The following PSEN1 variants were observed in gnomAD, a reference collection of about 807,000 sequenced individuals.
PSEN1 encodes the protein presenilin 1.
PSEN1 carries 15 observed loss-of-function variants against 53.5 expected under a neutral mutation model. That is an observed-to-expected ratio of 0.28 (90% CI 0.19 to 0.43). PSEN1 has a LOEUF of 0.43. Ranked by LOEUF, PSEN1 falls within the 20% of genes least tolerant of loss-of-function variation. The pLI is 1.00. For synonymous variants in PSEN1, 208 were observed against 209.8 expected (o/e 0.99, Z 0.08); for missense variants, 387 against 571.2 (o/e 0.68, Z 3.29).
intron 1 of PSEN1, among the ~76,000 whole-genome samples, chr14:73,144,165 C>T (rs1566615510): frequency 1.3e-5 from 2 of 151,082 alleles, no homozygotes; most frequent in Admixed American, 6.6e-5. Flanking sequence ...CTCAGCCTCC[C>T]GAGTAGCTGG....
At chr14:73,185,094 C>T (rs1341613612) in intron 5 of PSEN1, among the ~76,000 whole-genome samples, 5 of 151,738 alleles carry the variant, frequency 3.3e-5, no homozygotes, top group Admixed American at 6.6e-5. Context: ...GGATGGCGGC[C>T]GGGCGGAGAC....
At position 73,184,597 on chromosome 14, in the gene PSEN1, C is replaced by A. The variant is rs1352415288; in HGVS notation, c.481-2256C>A. 2.5e-4 allele frequency among the ~76,000 whole-genome samples: 32 copies of A among 129,468 alleles called. 1 individual carries two copies. In the East Asian group the frequency reaches 8.1e-3, roughly 33 times the overall value. 84.9% of individuals were successfully genotyped at this position (129,468 alleles called of 152,430 possible). On this transcript the variant is annotated intron_variant, in intron 5 of 11. Coordinates refer to ENST00000324501, the MANE Select transcript of PSEN1 (RefSeq NM_000021.4). The stretch of plus-strand genomic sequence containing the variant: ...TCACTTCCCAGTAGGGGCGGCCGGG[C>A]AGAGGCGCCCCTCACCTCCCGGACG...
Position 73,221,442 on chromosome 14 carries a change from G to A in PSEN1, c.*2153G>A, listed in dbSNP as rs986274360. 1.3e-5 allele frequency: 2 copies of A among 152,190 alleles called. No homozygotes were observed. The highest frequency in any genetic ancestry group is 4.8e-5 in the African/African-American group (2 of 41,456). The allele number at this position is 152,190 out of a possible 1,614,324, so 9.4% of individuals were successfully genotyped here. On this transcript the variant is annotated 3_prime_UTR_variant, in exon 12 of 12. Coordinates refer to ENST00000324501, the MANE Select transcript of PSEN1 (RefSeq NM_000021.4). ...TTTCATGATACATTTCTTCTCTGAA[G>A]AGGGTACGTGGGGTGTGTGTATTTA...
intron 5 of PSEN1, among the ~76,000 whole-genome samples, chr14:73,183,154 G>T (rs1898276549): frequency 6.6e-6 from 1 of 152,152 alleles, no homozygotes; most frequent in African/African-American, 2.4e-5. Context: ...GTCTCGCTCT[G>T]TTGCTCAGGC....
chr14:73,219,286 C>G lies in PSEN1; in HGVS notation c.1401C>G (p.Ile467Met). ...AATTAGCATTCCATCAATTTTATAT[C>G]TAGCATATTTGCGGTTAGAATCCCA... ...MDQLAFHQFY[I>M] The change falls in exon 12 of 12, where the codon ATC (isoleucine) becomes ATG (methionine). Residue 467 changes from isoleucine to methionine, a missense_variant. Physicochemically the swap from Ile to Met is conservative, Grantham distance 10. Coordinates refer to ENST00000324501, the MANE Select transcript of PSEN1 (RefSeq NM_000021.4). 6.2e-7 allele frequency: 1 copy of G among 1,612,838 alleles called. No homozygotes were observed. Among genetic ancestry groups the G allele is most frequent in the Non-Finnish European group, 8.5e-7 (1 of 1,179,002 alleles).
intron 7 of PSEN1, among the ~76,000 whole-genome samples, chr14:73,197,096 C>A (rs1898983698): frequency 6.6e-6 from 1 of 152,054 alleles, no homozygotes; most frequent in South Asian, 2.1e-4. Context: ...CCACACCCAG[C>A]TAATTTTTTG....
At chr14:73,189,472 C>T (rs1409411987) in intron 6 of PSEN1, among the ~76,000 whole-genome samples, 4 of 152,008 alleles carry the variant, frequency 2.6e-5, no homozygotes, top group Middle Eastern at 3.4e-3. Context: ...ATTAGCCGGG[C>T]GTGGTGGTGG....
chr14:73,187,100 T>G (rs565745883), intron 6 of PSEN1, among the ~76,000 whole-genome samples, 180 bp downstream of exon 6: 1 of 152,382 alleles, frequency 6.6e-6, no homozygotes, highest in East Asian at 1.9e-4. Context: ...ATTCTTCTGT[T>G]GCTCCTTGCT....
At position 73,167,356 on chromosome 14, in the gene PSEN1, T is replaced by G. The variant is rs536276222; in HGVS notation, c.88-3441T>G. Among the ~76,000 whole-genome samples the G allele has an allele frequency of 2.0e-5, 3 of 152,358 alleles. No individual in the cohort carries two copies. In the South Asian group the frequency reaches 6.2e-4, roughly 32 times the overall value. On this transcript the variant is annotated intron_variant, in intron 3 of 11. Coordinates refer to ENST00000324501, the MANE Select transcript of PSEN1 (RefSeq NM_000021.4). ...TGTGATGCTCAAAGGAAATGCTTAT[T>G]GGAGTGTTTTAGATTTTGGATTTTT...
At chr14:73,144,273 C>T (rs1897008035) in intron 1 of PSEN1, among the ~76,000 whole-genome samples, 1 of 152,010 alleles carries the variant, frequency 6.6e-6, no homozygotes, top group Admixed American at 6.6e-5. Context: ...AACTCCTGAC[C>T]TTGTGATCTG....
At chr14:73,194,591 C>G (rs961329082) in intron 7 of PSEN1, among the ~76,000 whole-genome samples, 1 of 129,780 alleles carries the variant, frequency 7.7e-6, no homozygotes, top group Non-Finnish European at 1.6e-5. Flanking sequence ...TTTTTCAAGA[C>G]GGAGTCTGGC....
intron 3 of PSEN1, among the ~76,000 whole-genome samples, chr14:73,158,302 A>ATCTG (rs1393737915): frequency 6.6e-6 from 1 of 151,250 alleles, no homozygotes; most frequent in Non-Finnish European, 1.5e-5. Context: ...CTATCTATCT[A>ATCTG]TCTATCTATC....
At chr14:73,208,448 C>T (rs1899542772) in intron 9 of PSEN1, among the ~76,000 whole-genome samples, 1 of 151,454 alleles carries the variant, frequency 6.6e-6, no homozygotes, top group South Asian at 2.1e-4. Context: ...GTGGGTAGCT[C>T]CTGTCTGCAG....
At chr14:73,148,763 T>C (rs1367549024) in intron 3 of PSEN1, among the ~76,000 whole-genome samples, 1 of 151,942 alleles carries the variant, frequency 6.6e-6, no homozygotes, top group Non-Finnish European at 1.5e-5. Flanking sequence ...AGAAACCCCA[T>C]CTCTACTAAC....
intron 5 of PSEN1, among the ~76,000 whole-genome samples, chr14:73,184,388 G>A (rs1374598157): frequency 8.1e-4 from 102 of 125,760 alleles, no homozygotes; most frequent in African/African-American, 2.7e-3. Context: ...GCCGGGCGGG[G>A]GGCTGACCCC....
intron 5 of PSEN1, among the ~76,000 whole-genome samples, chr14:73,177,990 C>T (rs1007705377): frequency 1.3e-5 from 2 of 151,704 alleles, no homozygotes; most frequent in African/African-American, 2.4e-5. Context: ...AACAGAGTGG[C>T]GCACTGCAAC....
In PSEN1 at chr14:73,202,462, A is replaced by ATT. The variant is rs1166113102; in HGVS notation, c.869-3895_869-3894dup. On this transcript the variant is annotated intron_variant, in intron 8 of 11. Coordinates refer to ENST00000324501, the MANE Select transcript of PSEN1 (RefSeq NM_000021.4). ...TATATATATATATATATATATATATATTTTTTTTTTTTTTTTTTTTTTTTT... is the reference window on the plus strand; with the variant it reads ...TATATATATATATATATATATATATATTTTTTTTTTTTTTTTTTTTTTTTTTT... Among the ~76,000 whole-genome samples, 19 of 11,526 alleles carry ATT rather than the reference A, an allele frequency of 1.6e-3. 2 individuals are homozygous for ATT. The highest frequency in any genetic ancestry group is 2.2e-3 in the Non-Finnish European group (16 of 7,410). The allele number at this position is 11,526 out of a possible 152,430, so 7.6% of individuals were successfully genotyped here. A position where few individuals can be genotyped will look rare whatever the true frequency, so the allele number is the denominator to read the frequency against.
At chr14:73,189,280 A>G (rs1384162264) in intron 6 of PSEN1, among the ~76,000 whole-genome samples, 1 of 152,228 alleles carries the variant, frequency 6.6e-6, no homozygotes, top group East Asian at 1.9e-4. Context: ...ATTACTAAGT[A>G]AGTTTGGTAA....
At chr14:73,142,076 A>G (rs1896945817) in intron 1 of PSEN1, among the ~76,000 whole-genome samples, 1 of 151,986 alleles carries the variant, frequency 6.6e-6, no homozygotes, top group Non-Finnish European at 1.5e-5. Flanking sequence ...CAAAAAAAAA[A>G]AAAAGAAAAG....
Sources: gnomAD v4.1 joint callset for allele counts (sites outside exome capture counted in the v4.1 genomes callset) on GRCh38, gnomAD v4.1.1 for gene constraint, MANE v1.5 for transcripts, NCBI Gene and HGNC (gene_info 2026-07-23, HGNC 2026-07-21) for gene names.